PPARD: variants seen among roughly 807,000 people sequenced by gnomAD.
The protein encoded by PPARD is peroxisome proliferator-activated receptor delta.
PPARD carries 6 observed loss-of-function variants against 39.5 expected under a neutral mutation model. The ratio of observed to expected loss-of-function variants is 0.15; its 90% CI spans 0.08 to 0.30. The LOEUF (loss-of-function observed/expected upper bound fraction) is 0.30. Ranked by LOEUF, PPARD falls within the 10% of genes least tolerant of loss-of-function variation. PPARD has a pLI of 1.00. For missense variants in PPARD, 397 were observed against 596.8 expected, an observed-to-expected ratio of 0.67 and a Z score of 3.49; for synonymous variants, 210 against 231.3, an observed-to-expected ratio of 0.91 and a Z score of 0.83.
chr6:35,357,514 G>A (rs1054879633), intron 2 of PPARD, among the ~76,000 whole-genome samples: 5 of 151,244 alleles, frequency 3.3e-5, no homozygotes, highest in African/African-American at 9.7e-5. Flanking sequence ...GCTCAGTTCC[G>A]TAAAATTAAC....
Position 35,424,505 on chromosome 6 carries a change from C to T in PPARD, c.804C>T (p.Pro268=). ...TCACTGAGTTCGCCAAGAGCATCCC[C>T]AGCTTCAGCAGCCTCTTCCTCAACG... is the stretch of plus-strand genomic sequence containing the variant. ...RELTEFAKSI[P]SFSSLFLNDQ... is the part of the protein sequence containing the mutation. Residue 268 remains proline, a synonymous_variant, in exon 7 of 8, where the codon CCC becomes CCT. Coordinates refer to ENST00000360694, the MANE Select transcript of PPARD (RefSeq NM_006238.5). This position sits in a 1 kb window ranked among gnomAD's most constrained non-coding sequence, Gnocchi z 7.1. 1.2e-6 allele frequency: 2 copies of T among 1,614,224 alleles called. No homozygotes were observed. Among genetic ancestry groups the T allele is most frequent in the Non-Finnish European group, 1.7e-6 (2 of 1,180,040 alleles).
rs757123099 is a variant in PPARD, at chr6:35,424,082, G to T, written c.561G>T (p.Leu187=). The change falls in exon 6 of 8, where the codon CTG becomes CTT. Residue 187 remains leucine (L), a synonymous_variant. Coordinates refer to ENST00000360694, the MANE Select transcript of PPARD (RefSeq NM_006238.5). The surrounding 1 kb of genome is among the most constrained non-coding windows in gnomAD (Gnocchi z 7.1). Reference sequence around the variant, plus strand: ...CCAAGCACATCTACAATGCCTACCTGAAAAACTTCAACATGACCAAAAAGA... The same window carrying T: ...CCAAGCACATCTACAATGCCTACCTTAAAAACTTCAACATGACCAAAAAGA... The part of the protein sequence containing the change: ...AFSKHIYNAY[L]KNFNMTKKKA... The T allele has an allele frequency of 5.0e-6, 8 of 1,613,978 alleles. No homozygotes were observed. In the South Asian group the frequency reaches 6.6e-5, roughly 13 times the overall value.
rs34551629 is a variant in PPARD, at chr6:35,420,292, G to C, written c.285+11G>C. 9.8e-4 allele frequency: 1,499 copies of C among 1,532,060 alleles called. 3 individuals are homozygous for C. The highest frequency in any genetic ancestry group is 1.5e-3 in the Admixed American group (77 of 49,788). 94.9% of individuals were successfully genotyped at this position (1,532,060 alleles called of 1,614,324 possible). On this transcript the variant is annotated intron_variant, in intron 4 of 7. Transcript: ENST00000360694. Reference sequence around the variant, plus strand: ...TGTGAGGGGTGCAAGGTACGGACTGGGGGGAGCGGTGGCTGGCCACTGAGG... The same window carrying C: ...TGTGAGGGGTGCAAGGTACGGACTGCGGGGAGCGGTGGCTGGCCACTGAGG...
chr6:35,425,199 G>A lies in PPARD; in HGVS notation c.1078+420G>A, dbSNP rs202247120. 2.6e-5 allele frequency: 23 copies of A among 899,592 alleles called. No homozygotes were observed. Among genetic ancestry groups the A allele is most frequent in the Non-Finnish European group, 3.0e-5 (22 of 735,992 alleles). 55.7% of individuals were successfully genotyped at this position (899,592 alleles called of 1,614,324 possible). A position where few individuals can be genotyped will look rare whatever the true frequency, so the allele number is the denominator to read the frequency against. On this transcript the variant is annotated intron_variant, in intron 7 of 7. Coordinates refer to ENST00000360694, the MANE Select transcript of PPARD (RefSeq NM_006238.5). This position sits in a 1 kb window ranked among gnomAD's most constrained non-coding sequence, Gnocchi z 4.5. ...TGAGCCAGGAGAATCGCTTGAACCC[G>A]AGAGGTGGAGGTTGCAGTGAGCCAA...
rs761295274 is a variant in PPARD at position 35,411,071 on chromosome 6, C to T, written c.-17C>T. ...TATGACTGGGCCTGCAGGTGTGGCG[C>T]CGAGGGGAGATCAGCCATGGAGCAG... On this transcript the variant is annotated 5_prime_UTR_variant, in exon 3 of 8. Transcript: ENST00000360694. The T allele has an allele frequency of 4.0e-6, 6 of 1,500,886 alleles. No individual in the cohort carries two copies. The highest frequency in any genetic ancestry group is 1.8e-4 in the Middle Eastern group (1 of 5,530). The allele number at this position is 1,500,886 out of a possible 1,614,324, so 93.0% of individuals were successfully genotyped here.
intron 2 of PPARD, among the ~76,000 whole-genome samples, chr6:35,373,717 G>A (rs143520309): frequency 0.012 from 1,865 of 151,364 alleles, 19 homozygotes; most frequent in Middle Eastern, 0.02. Context: ...ATCCAGGCTG[G>A]AGTGCAGTGG....
chr6:35,394,927 T>G (rs1764229606), intron 2 of PPARD, among the ~76,000 whole-genome samples: 1 of 152,092 alleles, frequency 6.6e-6, no homozygotes, highest in Non-Finnish European at 1.5e-5. Context: ...AGGCACATGG[T>G]CATTAGTCCC....
intron 2 of PPARD, among the ~76,000 whole-genome samples, chr6:35,356,407 T>A (rs1430085249): frequency 2.0e-5 from 3 of 152,196 alleles, no homozygotes; most frequent in Non-Finnish European, 4.4e-5. Context: ...TTCTCAAGTT[T>A]GTCAGAATCC....
At chr6:35,377,189 C>T (rs1008717867) in intron 2 of PPARD, among the ~76,000 whole-genome samples, 2 of 152,092 alleles carry the variant, frequency 1.3e-5, no homozygotes, top group African/African-American at 4.8e-5. Flanking sequence ...TTTGTGGGTG[C>T]GAAAGTCCAC....
At chr6:35,356,964 T>C (rs7746988) in intron 2 of PPARD, among the ~76,000 whole-genome samples, 16,697 of 152,226 alleles carry the variant, frequency 0.11, 2,460 homozygotes, top group African/African-American at 0.34. Context: ...CATATTCCAA[T>C]GAAGAAAGAA....
chr6:35,415,378 C>G (rs1765687738), intron 3 of PPARD, among the ~76,000 whole-genome samples: 1 of 152,262 alleles, frequency 6.6e-6, no homozygotes, highest in African/African-American at 2.4e-5. Flanking sequence ...CAATCGGGCG[C>G]CTCCTGGCTG....
intron 2 of PPARD, among the ~76,000 whole-genome samples, chr6:35,396,493 C>A (rs1224676268): frequency 6.7e-6 from 1 of 148,594 alleles, no homozygotes; most frequent in African/African-American, 2.5e-5. Context: ...CGTGAGCCAC[C>A]GCGCCTAGCC....
chr6:35,365,130 C>CCTTTTTTTTTTTTTTTTTTT (rs1281072287), intron 2 of PPARD, among the ~76,000 whole-genome samples: 2 of 121,088 alleles, frequency 1.7e-5, no homozygotes, highest in African/African-American at 6.9e-5. Flanking sequence ...CTTCCTTATT[C>CCTTTTTTTTTTTTTTTTTTT]TTTTTTTTTT....
intron 2 of PPARD, among the ~76,000 whole-genome samples, chr6:35,406,658 G>C (rs142427479): frequency 2.0e-5 from 3 of 152,276 alleles, no homozygotes; most frequent in African/African-American, 4.8e-5. Context: ...AGATGTCAGC[G>C]TGGGAACTAG....
At position 35,412,260 on chromosome 6, in the gene PPARD, C is replaced by T. The variant is rs765698601; in HGVS notation, c.130+1043C>T. Reference sequence around the variant, plus strand: ...CCCTCTGCTTCTTGCTTTCTCCCACCACTTCTCTCCTTACCCAAGTGCTGC... The same window carrying T: ...CCCTCTGCTTCTTGCTTTCTCCCACTACTTCTCTCCTTACCCAAGTGCTGC... On this transcript the variant is annotated intron_variant, in intron 3 of 7. Coordinates refer to ENST00000360694, the MANE Select transcript of PPARD (RefSeq NM_006238.5). The surrounding 1 kb of genome is among the most constrained non-coding windows in gnomAD (Gnocchi z 4.1). Among the ~76,000 whole-genome samples the T allele has an allele frequency of 3.0e-4, 45 of 152,252 alleles. No homozygotes were observed. Among genetic ancestry groups the T allele is most frequent in the Middle Eastern group, 3.4e-3 (1 of 294 alleles).
At chr6:35,392,784 CACCAGCAGCCCACCA>C (rs1265405309) in intron 2 of PPARD, among the ~76,000 whole-genome samples, 1 of 152,146 alleles carries the variant, frequency 6.6e-6, no homozygotes, top group Non-Finnish European at 1.5e-5. Flanking sequence ...TCTGGTGACC[CACCAGCAGCCCACCA>C]ACCTGTCATC....
At chr6:35,394,713 G>A (rs1484780395) in intron 2 of PPARD, among the ~76,000 whole-genome samples, 1 of 151,466 alleles carries the variant, frequency 6.6e-6, no homozygotes, top group Non-Finnish European at 1.5e-5. Context: ...GGAGGTTCCA[G>A]TGAGCCGAGA....
chr6:35,385,645 TTAA>T (rs755442869), intron 2 of PPARD, among the ~76,000 whole-genome samples: 13,047 of 94,352 alleles, frequency 0.14, 1,010 homozygotes, highest in African/African-American at 0.26. Context: ...ATAAATAAAT[TTAA>T]AAAAAAAAAA....
chr6:35,415,804 TGAAA>T (rs1432046631), intron 3 of PPARD, among the ~76,000 whole-genome samples: 5 of 105,176 alleles, frequency 4.8e-5, no homozygotes, highest in African/African-American at 4.1e-4. Context: ...GTGTGTGTGT[TGAAA>T]GAAAGAGATG....
Sources: gnomAD v4.1 joint callset for allele counts (sites outside exome capture counted in the v4.1 genomes callset) on GRCh38, gnomAD v4.1.1 for gene constraint, Gnocchi (gnomAD v3.1) non-coding constraint, MANE v1.5 for transcripts, NCBI Gene and HGNC (gene_info 2026-07-23, HGNC 2026-07-21) for gene names.